The following HSP90AB1 variants were observed in gnomAD, a reference collection of about 807,000 sequenced individuals.
HSP90AB1 encodes the protein heat shock protein 90 alpha family class B member 1, also known as heat shock protein HSP 90-beta.
HSP90AB1 carries 17 observed loss-of-function variants against 67.8 expected under a neutral mutation model. That is an observed-to-expected ratio of 0.25 (90% CI 0.17 to 0.38). The LOEUF (loss-of-function observed/expected upper bound fraction) is 0.38, where lower values mean the gene tolerates loss of function less well. Among genes scored for constraint, HSP90AB1 ranks in the 10% least tolerant of loss-of-function variants. HSP90AB1 has a pLI of 1.00. For missense variants in HSP90AB1, 690 were observed against 899.9 expected (o/e 0.77, Z 2.98); for synonymous variants, 390 against 312.9 (o/e 1.25, Z -2.60).
chr6:44,252,272 G>A lies in HSP90AB1; in HGVS notation c.1731+5G>A, dbSNP rs752696288. ...TTAGATAAGAAGGTTGAGAAGGTAA[G>A]CCATTCTGGGGCTAGGATATATTTT... is the stretch of plus-strand genomic sequence containing the variant. On this transcript the variant is annotated splice_donor_5th_base_variant and intron_variant, in intron 10 of 11. Transcript: ENST00000371646. 6.2e-6 allele frequency: 10 copies of A among 1,612,430 alleles called. No homozygotes were observed. Among genetic ancestry groups the A allele is most frequent in the Non-Finnish European group, 8.5e-6 (10 of 1,179,628 alleles).
chr6:44,249,326 C>T (rs369825438), intron 2 of HSP90AB1, 51 bp from the exon 3 acceptor site: 2 of 1,458,712 alleles, frequency 1.4e-6, no homozygotes, highest in South Asian at 1.1e-5. Context: ...GGCAACAGAG[C>T]AAGAGTCTGT....
intron 10 of HSP90AB1, among the ~76,000 whole-genome samples, chr6:44,252,829 A>G (rs953113119): frequency 6.6e-6 from 1 of 150,382 alleles, no homozygotes; most frequent in African/African-American, 2.5e-5. Context: ...GATCTCGCTC[A>G]CTGCAAACTC....
intron 7 of HSP90AB1, 43 bp from the exon 8 acceptor site, chr6:44,251,375 C>CT: frequency 6.3e-7 from 1 of 1,577,540 alleles, no homozygotes; most frequent in Non-Finnish European, 8.7e-7. Context: ...CAGGTCTGGT[C>CT]TAGCTGTTTT....
rs1425858195 is a variant in HSP90AB1, at chr6:44,253,089, G to C, written c.1776G>C (p.Val592=). The C allele has an allele frequency of 3.1e-6, 5 of 1,614,056 alleles. No individual in the cohort carries two copies. In the South Asian group the frequency reaches 5.5e-5, roughly 18 times the overall value. Residue 592 remains valine, a synonymous_variant, in exon 11 of 12, where the codon GTG becomes GTC. Transcript: ENST00000371646. The stretch of plus-strand genomic sequence containing the variant: ...TTGTGTCTTCACCTTGCTGCATTGT[G>C]ACCAGCACCTACGGCTGGACAGCCA... The part of the protein sequence containing the change: ...NRLVSSPCCI[V]TSTYGWTANM...
At chr6:44,250,945 C>T (rs1437924907) in intron 6 of HSP90AB1, 103 bp from the exon 7 acceptor site, 11 of 1,010,426 alleles carry the variant, frequency 1.1e-5, no homozygotes, top group South Asian at 7.0e-5. Context: ...TGTGCTCTAT[C>T]CCTTAGGCTT....
At chr6:44,252,687 G>A (rs1160391946) in intron 10 of HSP90AB1, among the ~76,000 whole-genome samples, 1 of 152,022 alleles carries the variant, frequency 6.6e-6, no homozygotes, top group Middle Eastern at 3.2e-3. Flanking sequence ...TAGTAGAGAT[G>A]GGGTTTCATC....
At position 44,250,142 on chromosome 6, in the gene HSP90AB1, C is replaced by T. The variant is rs1780458014; in HGVS notation, c.636C>T (p.Pro212=). 1 of 1,614,196 alleles carries T rather than the reference C, an allele frequency of 6.2e-7. No homozygotes were observed. Among genetic ancestry groups the T allele is most frequent in the African/African-American group, 1.3e-5 (1 of 75,052 alleles). Residue 212 remains proline, a synonymous_variant, in exon 5 of 12, where the codon CCC becomes CCT. Transcript: ENST00000371646. ...VKKHSQFIGY[P]ITLYLEKERE... ...AGCATTCTCAGTTCATAGGCTATCC[C>T]ATCACCCTTTATGTGAGTATGGACT...
Position 44,249,582 on chromosome 6 carries a change from A to G in HSP90AB1, c.353A>G (p.Gln118Arg). 1 of 1,613,666 alleles carries G rather than the reference A, an allele frequency of 6.2e-7. No homozygotes were observed. The highest frequency in any genetic ancestry group is 8.5e-7 in the Non-Finnish European group (1 of 1,179,606). The change falls in exon 3 of 12, where the codon CAG becomes CGG. Residue 118 changes from glutamine to arginine, a missense_variant and splice_region_variant. Coordinates refer to ENST00000371646, the MANE Select transcript of HSP90AB1 (RefSeq NM_007355.4). ...SGTKAFMEALQAGADISMIGQ... is the reference protein window; with the variant it reads ...SGTKAFMEALRAGADISMIGQ... ...ACTAAAGCATTCATGGAGGCTCTTC[A>G]GGTATTGCAGTTCTGTAGGCATTCA...
Position 44,251,025 on chromosome 6 carries a change from C to T in HSP90AB1, c.958-23C>T, listed in dbSNP as rs200933805. 6.6e-4 allele frequency: 1,066 copies of T among 1,609,406 alleles called. 2 individuals are homozygous for T. Among genetic ancestry groups the T allele is most frequent in the Non-Finnish European group, 7.9e-4 (930 of 1,175,940 alleles). ...TAAAAGGTCCTCTTTTGAAATGTAC[C>T]ACTTATTTTTGGTTTCTTTCAGCAC... On this transcript the variant is annotated intron_variant, in intron 6 of 11. Transcript: ENST00000371646.
At position 44,250,011 on chromosome 6, in the gene HSP90AB1, A is replaced by G. The variant is rs746480245; in HGVS notation, c.515-10A>G. 1 of 1,613,852 alleles carries G rather than the reference A, an allele frequency of 6.2e-7. No homozygotes were observed. Among genetic ancestry groups the G allele is most frequent in the East Asian group, 2.2e-5 (1 of 44,876 alleles). Reference sequence around the variant, plus strand: ...TTACCCTGTTACACGCTTGTAATTGACTCTTCTAGGTGAGCCCATTGGCAG... The same window carrying G: ...TTACCCTGTTACACGCTTGTAATTGGCTCTTCTAGGTGAGCCCATTGGCAG... On this transcript the variant is annotated splice_polypyrimidine_tract_variant and intron_variant, in intron 4 of 11. Coordinates refer to ENST00000371646, the MANE Select transcript of HSP90AB1 (RefSeq NM_007355.4).
intron 10 of HSP90AB1, among the ~76,000 whole-genome samples, chr6:44,252,752 T>TC (rs1434818481): frequency 6.6e-6 from 1 of 151,606 alleles, no homozygotes; most frequent in Admixed American, 6.6e-5. Flanking sequence ...CACCTCGGCC[T>TC]CCCAAAGTGC....
Position 44,253,771 on chromosome 6 carries a change from C to G in HSP90AB1, c.*173C>G. The G allele has an allele frequency of 1.3e-6, 1 of 777,982 alleles. No homozygotes were observed. The highest frequency in any genetic ancestry group is 2.4e-6 in the Non-Finnish European group (1 of 417,028). The allele number at this position is 777,982 out of a possible 1,614,324, so 48.2% of individuals were successfully genotyped here. A position where few individuals can be genotyped will look rare whatever the true frequency, so the allele number is the denominator to read the frequency against. ...AAACTAAGGGTGTCAAGCCCCATTC[C>G]CTCTCTACTCTTGACAGCAGGATTG... On this transcript the variant is annotated 3_prime_UTR_variant, in exon 12 of 12. Transcript: ENST00000371646.
intron 10 of HSP90AB1, 79 bp from the exon 11 acceptor site, chr6:44,252,966 G>C: frequency 8.2e-7 from 1 of 1,212,992 alleles, no homozygotes; most frequent in African/African-American, 1.5e-5. Context: ...TCCTCCCCCT[G>C]CTGGAATTAG....
At position 44,252,081 on chromosome 6, in the gene HSP90AB1, G is replaced by A. The variant is rs1404452563; in HGVS notation, c.1545G>A (p.Glu515=). Residue 515 remains glutamate (E), a synonymous_variant, in exon 10 of 12, where the codon GAG becomes GAA. Transcript: ENST00000371646. ...KRGFEVVYMT[E]PIDEYCVQQL... ...GCTTCGAGGTGGTATATATGACCGA[G>A]CCCATTGACGAGTACTGTGTGCAGC... is the stretch of plus-strand genomic sequence containing the variant. The A allele has an allele frequency of 1.9e-6, 3 of 1,614,180 alleles. No individual in the cohort carries two copies. The highest frequency in any genetic ancestry group is 1.1e-5 in the South Asian group (1 of 91,088).
rs779271158 is a variant in HSP90AB1 at position 44,253,796 on chromosome 6, G to C, written c.*198G>C. 7 of 774,318 alleles carry C rather than the reference G, an allele frequency of 9.0e-6. No individual in the cohort carries two copies. The highest frequency in any genetic ancestry group is 1.4e-5 in the Non-Finnish European group (6 of 415,026). 48.0% of individuals were successfully genotyped at this position (774,318 alleles called of 1,614,324 possible). On this transcript the variant is annotated 3_prime_UTR_variant, in exon 12 of 12. Coordinates refer to ENST00000371646, the MANE Select transcript of HSP90AB1 (RefSeq NM_007355.4). Reference sequence around the variant, plus strand: ...CCTCTCTACTCTTGACAGCAGGATTGGATGTTGTGTATTGTGGTTTATTTT... The same window carrying C: ...CCTCTCTACTCTTGACAGCAGGATTCGATGTTGTGTATTGTGGTTTATTTT...
rs375847725 is a variant in HSP90AB1, at chr6:44,250,448, C to G, written c.806C>G (p.Thr269Ser). ...DDSGKDKKKK[T>S]KKIKEKYIDQ... ...AGCGGTAAGGATAAGAAGAAGAAAA[C>G]TAAGAAGATCAAAGAGAAATACATT... The change falls in exon 6 of 12, where the codon ACT becomes AGT. Residue 269 changes from threonine to serine, a missense_variant. Transcript: ENST00000371646. 1.9e-6 allele frequency: 3 copies of G among 1,613,788 alleles called. No homozygotes were observed. Among genetic ancestry groups the G allele is most frequent in the Non-Finnish European group, 2.5e-6 (3 of 1,179,826 alleles).
At chr6:44,248,230 C>T (rs1480917677) in intron 1 of HSP90AB1, among the ~76,000 whole-genome samples, 1 of 152,032 alleles carries the variant, frequency 6.6e-6, no homozygotes, top group Non-Finnish European at 1.5e-5. Flanking sequence ...TGATCTCCCC[C>T]AAATAAAGAA....
intron 5 of HSP90AB1, 27 bp from the exon 6 acceptor site, chr6:44,250,264 A>C (rs768453798): frequency 6.2e-7 from 1 of 1,611,744 alleles, no homozygotes; most frequent in South Asian, 1.1e-5. Flanking sequence ...TTGTACTCCA[A>C]GGCTAACTTC....
intron 1 of HSP90AB1, 128 bp from the exon 2 acceptor site, chr6:44,248,501 GA>G: frequency 1.4e-6 from 1 of 709,482 alleles, no homozygotes; most frequent in Non-Finnish European, 2.2e-6. Context: ...TTAGTCTTGG[GA>G]AGGGATAGTA....
Sources: allele counts gnomAD v4.1 joint callset (sites outside exome capture counted in the v4.1 genomes callset), GRCh38; gene constraint gnomAD v4.1.1; transcripts MANE v1.5; gene names NCBI Gene and HGNC (gene_info 2026-07-23, HGNC 2026-07-21).